Variants in GSAP observed in about 807,000 individuals in gnomAD.
GSAP encodes gamma-secretase activating protein.
In GSAP, 118 loss-of-function variants were observed where a neutral mutation model predicts 131.7. That is an observed-to-expected ratio of 0.90 (90% CI 0.77 to 1.04). GSAP has a LOEUF of 1.04. Ranked by LOEUF, GSAP falls within the 50% of genes least tolerant of loss-of-function variation. GSAP has a pLI of 0.00. For missense variants in GSAP, 1,019 were observed against 1,013.2 expected (o/e 1.01, Z -0.08); for synonymous variants, 381 against 363.4 (o/e 1.05, Z -0.55).
intron 4 of GSAP, 113 bp downstream of exon 4, chr7:77,397,233 T>C: frequency 1.3e-6 from 1 of 767,126 alleles, no homozygotes; most frequent in Non-Finnish European, 2.2e-6. Context: ...GAACATTTCT[T>C]TCCTAGGAAA....
chr7:77,406,529 T>C (rs1330013957), intron 1 of GSAP, among the ~76,000 whole-genome samples: 1 of 152,240 alleles, frequency 6.6e-6, no homozygotes, highest in African/African-American at 2.4e-5. Flanking sequence ...TTAACCACTG[T>C]TAGGCTCTAA....
At chr7:77,357,190 C>T (rs1793882268) in intron 14 of GSAP, among the ~76,000 whole-genome samples, 1 of 152,100 alleles carries the variant, frequency 6.6e-6, no homozygotes, top group Non-Finnish European at 1.5e-5. Context: ...TCCTATTTGG[C>T]ATTTGGTGAG....
chr7:77,351,169 T>C (rs910036144), intron 18 of GSAP: 6 of 982,392 alleles, frequency 6.1e-6, no homozygotes, highest in Middle Eastern at 5.2e-4. Flanking sequence ...AATGTGACAG[T>C]TGAAAGCCGT....
At chr7:77,355,191 A>C (rs1793474064) in intron 16 of GSAP, 22 bp downstream of exon 16, 1 of 1,506,024 alleles carries the variant, frequency 6.6e-7, no homozygotes, top group African/African-American at 1.4e-5. Context: ...TGCCCATTTT[A>C]AAACATGAGC....
Position 77,376,843 on chromosome 7 carries a change from CT to C in GSAP, c.741+4del. ...TCCTGTAGTGTGATCATTTTCTGGACTTACCATTAAGTTATAGCTCTCATCA... is the reference window on the plus strand; with the variant it reads ...TCCTGTAGTGTGATCATTTTCTGGACTACCATTAAGTTATAGCTCTCATCA... On this transcript the variant is annotated splice_donor_region_variant and intron_variant, in intron 10 of 30. Transcript: ENST00000257626. 2 of 1,304,570 alleles carry C rather than the reference CT, an allele frequency of 1.5e-6. No homozygotes were observed. The highest frequency in any genetic ancestry group is 2.2e-6 in the Non-Finnish European group (2 of 926,472). 80.8% of individuals were successfully genotyped at this position (1,304,570 alleles called of 1,614,324 possible).
rs530354042 is a variant in GSAP, at chr7:77,336,379, C to T, written c.1546-6012G>A. Reference sequence around the variant, plus strand: ...TAGAAGAGGAACAGAAACAAGAATCCTCCATCCTGGGTCTGTTCCTCAATT... The same window carrying T: ...TAGAAGAGGAACAGAAACAAGAATCTTCCATCCTGGGTCTGTTCCTCAATT... On this transcript the variant is annotated intron_variant, in intron 19 of 30. Transcript: ENST00000257626. 9.2e-5 allele frequency among the ~76,000 whole-genome samples: 14 copies of T among 152,294 alleles called. No homozygotes were observed. In the East Asian group the frequency reaches 2.1e-3, roughly 23 times the overall value.
intron 9 of GSAP, among the ~76,000 whole-genome samples, 172 bp from the exon 10 acceptor site, chr7:77,377,079 C>G (rs1797005314): frequency 1.3e-5 from 2 of 151,572 alleles, no homozygotes; most frequent in Admixed American, 1.3e-4. Context: ...TGGGGCCAAG[C>G]ACTATGGCTC....
chr7:77,336,240 C>A (rs1261408563), intron 19 of GSAP, among the ~76,000 whole-genome samples: 2 of 152,014 alleles, frequency 1.3e-5, no homozygotes, highest in Non-Finnish European at 2.9e-5. Context: ...TCACAATCAG[C>A]TTATGCCCTG....
chr7:77,409,467 G>A lies in GSAP; in HGVS notation c.110-3362C>T, dbSNP rs1326912538. Among the ~76,000 whole-genome samples, 6 of 152,272 alleles carry A rather than the reference G, an allele frequency of 3.9e-5. No homozygotes were observed. The South Asian group carries it at 6.2e-4, about 16-fold the overall frequency. ...GACCAATATACAGTGAAAAGGTGGC[G>A]TAGACTGAACTCAAACCTAGAAAAA... is the stretch of plus-strand genomic sequence containing the variant. On this transcript the variant is annotated intron_variant, in intron 1 of 30. Coordinates refer to ENST00000257626, the MANE Select transcript of GSAP (RefSeq NM_017439.4).
chr7:77,416,138 C>G, intron 1 of GSAP, 75 bp downstream of exon 1: 2 of 862,036 alleles, frequency 2.3e-6, no homozygotes, highest in Middle Eastern at 3.7e-4. Context: ...TTGCTCCCCA[C>G]CGGGTCGGAG....
At chr7:77,367,447 C>T (rs1042553241) in intron 12 of GSAP, among the ~76,000 whole-genome samples, 2 of 152,192 alleles carry the variant, frequency 1.3e-5, no homozygotes, top group South Asian at 2.1e-4. Context: ...GCCTTTTCTG[C>T]ATCTATTGAG....
chr7:77,364,447 T>A (rs890989658), intron 12 of GSAP, among the ~76,000 whole-genome samples: 1 of 141,896 alleles, frequency 7.0e-6, no homozygotes, highest in Non-Finnish European at 1.5e-5. Context: ...CCGCATATTC[T>A]CACTCATAGG....
At chr7:77,416,535 G>C (rs1258937894), upstream of GSAP, 1 of 397,892 alleles carries the variant, frequency 2.5e-6, no homozygotes, top group Non-Finnish European at 4.5e-6. Flanking sequence ...CCGGAGCCGG[G>C]CACGGCGGGT....
At chr7:77,396,167 C>T (rs893330122) in intron 5 of GSAP, among the ~76,000 whole-genome samples, 3 of 152,130 alleles carry the variant, frequency 2.0e-5, no homozygotes, top group Admixed American at 6.5e-5. Flanking sequence ...TGGGGCATCC[C>T]TACCCTACTA....
intron 19 of GSAP, among the ~76,000 whole-genome samples, chr7:77,346,433 C>A (rs1791879040): frequency 6.6e-6 from 1 of 151,360 alleles, no homozygotes. Context: ...GGCATGGTGG[C>A]TCATACCTGT....
At chr7:77,318,807 C>T (rs1787217034) in intron 26 of GSAP, among the ~76,000 whole-genome samples, 1 of 150,750 alleles carries the variant, frequency 6.6e-6, no homozygotes, top group Admixed American at 6.7e-5. Flanking sequence ...GCAATGATTC[C>T]TTGAATATGA....
At chr7:77,355,745 GC>G (rs1321591633) in intron 14 of GSAP, 98 bp from the exon 15 acceptor site, 1 of 678,062 alleles carries the variant, frequency 1.5e-6, no homozygotes, top group East Asian at 2.7e-5. Context: ...ATCTCAAAAG[GC>G]AAAAGTTTTA....
chr7:77,346,961 CCTTT>C (rs1554395986), intron 19 of GSAP, among the ~76,000 whole-genome samples: 1 of 148,974 alleles, frequency 6.7e-6, no homozygotes, highest in Non-Finnish European at 1.5e-5. Context: ...CACCCCCCTG[CCTTT>C]CTGATTGCAG....
At chr7:77,337,395 G>A (rs893884792) in intron 19 of GSAP, among the ~76,000 whole-genome samples, 4 of 152,016 alleles carry the variant, frequency 2.6e-5, no homozygotes, top group African/African-American at 7.3e-5. Context: ...GGCTGGTCTC[G>A]AACTCCTGGC....
Sources: gnomAD v4.1 joint callset for allele counts (sites outside exome capture counted in the v4.1 genomes callset) on GRCh38, gnomAD v4.1.1 for gene constraint, MANE v1.5 for transcripts, NCBI Gene and HGNC (gene_info 2026-07-23, HGNC 2026-07-21) for gene names.